Variants in KANSL1 observed in about 807,000 individuals in gnomAD.
The protein encoded by KANSL1 is KAT8 regulatory NSL complex subunit 1, also known as MLL1/MLL complex subunit KANSL1.
In KANSL1, 22 loss-of-function variants were observed where a neutral mutation model predicts 103.6. That is an observed-to-expected ratio of 0.21 (90% CI 0.15 to 0.30). KANSL1 has a LOEUF of 0.30. Ranked by LOEUF, KANSL1 falls within the 10% of genes least tolerant of loss-of-function variation. KANSL1 has a pLI of 1.00. For synonymous variants in KANSL1, 600 were observed against 527.6 expected (o/e 1.14, Z -1.88); for missense variants, 1,337 against 1,399.8 (o/e 0.96, Z 0.72).
At chr17:46,088,027 C>T (rs932302896) in intron 3 of KANSL1, among the ~76,000 whole-genome samples, 7 of 152,110 alleles carry the variant, frequency 4.6e-5, no homozygotes, top group African/African-American at 1.2e-4. Flanking sequence ...CGGTAGAAGC[C>T]GAAGAAAAAG....
At chr17:46,096,571 C>T (rs1241466700) in intron 2 of KANSL1, among the ~76,000 whole-genome samples, 1 of 151,922 alleles carries the variant, frequency 6.6e-6, no homozygotes, top group Non-Finnish European at 1.5e-5. Flanking sequence ...CCGCCCACCT[C>T]GACCTCCCAA....
intron 2 of KANSL1, among the ~76,000 whole-genome samples, chr17:46,097,040 TTC>T (rs1467399605): frequency 2.0e-5 from 3 of 152,350 alleles, no homozygotes; most frequent in East Asian, 3.9e-4. Context: ...AGCCATGAAA[TTC>T]TGTTTCTGAG....
chr17:46,141,379 C>A (rs2044412813), intron 2 of KANSL1, among the ~76,000 whole-genome samples: 2 of 152,346 alleles, frequency 1.3e-5, no homozygotes, highest in South Asian at 4.1e-4. Context: ...GACAGGAGAG[C>A]AGCTGAAGAG....
chr17:46,184,045 TTTGAG>T (rs1318498154), intron 1 of KANSL1, among the ~76,000 whole-genome samples: 1 of 152,254 alleles, frequency 6.6e-6, no homozygotes, highest in African/African-American at 2.4e-5. Context: ...ACATTGTCTA[TTTGAG>T]TTAATCATGA....
intron 2 of KANSL1, among the ~76,000 whole-genome samples, chr17:46,160,866 T>C (rs2045698659): frequency 6.6e-6 from 1 of 152,220 alleles, no homozygotes; most frequent in Non-Finnish European, 1.5e-5. Context: ...GCCCAGGAGA[T>C]AGGTAAAGAG....
intron 2 of KANSL1, among the ~76,000 whole-genome samples, chr17:46,144,842 G>A (rs757797545): frequency 6.6e-6 from 1 of 152,044 alleles, no homozygotes; most frequent in Non-Finnish European, 1.5e-5. Flanking sequence ...CCAAACTTAC[G>A]ACTACACCTT....
At chr17:46,097,513 A>G (rs1442127236) in intron 2 of KANSL1, among the ~76,000 whole-genome samples, 1 of 152,356 alleles carries the variant, frequency 6.6e-6, no homozygotes, top group South Asian at 2.1e-4. Context: ...TATCTCTGGA[A>G]AGGGGATGGA....
intron 2 of KANSL1, among the ~76,000 whole-genome samples, chr17:46,160,529 A>G (rs2147612488): frequency 6.6e-6 from 1 of 152,260 alleles, no homozygotes; most frequent in South Asian, 2.1e-4. Flanking sequence ...CCTGGGCTCA[A>G]GAGATCTGCC....
intron 7 of KANSL1, among the ~76,000 whole-genome samples, chr17:46,047,906 C>T (rs1359951360): frequency 7.1e-6 from 1 of 140,122 alleles, no homozygotes; most frequent in Non-Finnish European, 1.6e-5. Context: ...CCCATCCCTT[C>T]CCCACTCCCC....
At chr17:46,181,696 T>C (rs368946407) in intron 1 of KANSL1, among the ~76,000 whole-genome samples, 235 of 152,316 alleles carry the variant, frequency 1.5e-3, no homozygotes, top group African/African-American at 5.6e-3. Flanking sequence ...CCTCCCAAAG[T>C]GCTGGAATTA....
chr17:46,208,199 A>G (rs1245002504), intron 1 of KANSL1, among the ~76,000 whole-genome samples: 1 of 152,226 alleles, frequency 6.6e-6, no homozygotes, highest in Non-Finnish European at 1.5e-5. Context: ...TCTTCAAGTC[A>G]TGCTATCAAT....
chr17:46,109,438 G>A (rs1204048722), intron 2 of KANSL1, among the ~76,000 whole-genome samples: 3 of 151,996 alleles, frequency 2.0e-5, no homozygotes, highest in Non-Finnish European at 2.9e-5. Flanking sequence ...AGTTTTATTG[G>A]CAGATTTCGA....
intron 2 of KANSL1, among the ~76,000 whole-genome samples, chr17:46,167,767 C>T (rs1437018703): frequency 2.6e-5 from 4 of 152,222 alleles, no homozygotes; most frequent in African/African-American, 7.2e-5. Context: ...ATTTGCTAAA[C>T]ATTCAACAAC....
chr17:46,040,593 C>T (rs754294486), intron 7 of KANSL1: 8 of 152,160 alleles, frequency 5.3e-5, no homozygotes, highest in Admixed American at 2.0e-4. Flanking sequence ...TCAATTCTTC[C>T]GTGTATTCTA....
chr17:46,173,019 C>T (rs2046360811), intron 1 of KANSL1, among the ~76,000 whole-genome samples: 2 of 152,174 alleles, frequency 1.3e-5, no homozygotes, highest in Admixed American at 1.3e-4. Flanking sequence ...GGATTTCACC[C>T]CCTACTGCTC....
intron 1 of KANSL1, among the ~76,000 whole-genome samples, chr17:46,220,352 A>C (rs2429447): frequency 6.7e-6 from 1 of 150,270 alleles, no homozygotes; most frequent in Non-Finnish European, 1.5e-5. Flanking sequence ...AAGTAGCTGC[A>C]ACTACAGGCG....
chr17:46,218,962 TAA>T (rs2048427132), intron 1 of KANSL1, among the ~76,000 whole-genome samples: 1 of 151,772 alleles, frequency 6.6e-6, no homozygotes, highest in Admixed American at 6.6e-5. Context: ...GTCACACGGT[TAA>T]GAGTGCTGAG....
chr17:46,101,227 G>GA lies in KANSL1; in HGVS notation c.1290-6527dup, dbSNP rs560777995. Among the ~76,000 whole-genome samples, 273 of 152,072 alleles carry GA rather than the reference G, an allele frequency of 1.8e-3. 1 individual carries two copies. Among genetic ancestry groups the GA allele is most frequent in the African/African-American group, 5.1e-3 (212 of 41,478 alleles). On this transcript the variant is annotated intron_variant, in intron 2 of 14. Transcript: ENST00000432791. ...AAATCTTGAAATTGCTGAGTCACAT[G>GA]AAAAAAACAAAAACAAAAAACCACT...
At chr17:46,132,340 T>C (rs1436727264) in intron 2 of KANSL1, among the ~76,000 whole-genome samples, 1 of 152,258 alleles carries the variant, frequency 6.6e-6, no homozygotes, top group African/African-American at 2.4e-5. Context: ...TAATGCGCTT[T>C]GCACAATGCC....
Sources: gnomAD v4.1 joint callset for allele counts (sites outside exome capture counted in the v4.1 genomes callset) on GRCh38, gnomAD v4.1.1 for gene constraint, MANE v1.5 for transcripts, NCBI Gene and HGNC (gene_info 2026-07-23, HGNC 2026-07-21) for gene names.